The following HHIPL1 variants were observed in gnomAD, a reference collection of about 807,000 sequenced individuals.
HHIPL1 encodes HHIP-like protein 1.
Under a neutral mutation model 61.8 loss-of-function variants are expected in HHIPL1, and 43 were observed. The observed-to-expected ratio is 0.70, with a 90% CI of 0.55 to 0.90. The LOEUF is 0.90. Ranked by LOEUF, HHIPL1 falls within the 40% of genes least tolerant of loss-of-function variation. The probability of loss-of-function intolerance (pLI) is 0.00; values close to 1 mark genes in which losing one functional copy is unlikely to be tolerated. For missense variants in HHIPL1, 1,056 were observed against 1,157.7 expected (o/e 0.91, Z 1.28); for synonymous variants, 482 against 515.8 (o/e 0.93, Z 0.89).
rs1240199018 is a variant in HHIPL1, at chr14:99,668,050, C to T, written c.1649-172C>T. Among the ~76,000 whole-genome samples the T allele has an allele frequency of 6.6e-6, 1 of 152,198 alleles. No homozygotes were observed. Among genetic ancestry groups the T allele is most frequent in the African/African-American group, 2.4e-5 (1 of 41,452 alleles). ...TACAACCCAACTCCTCACCCAGCCT[C>T]ACTTCCTCTTTCTGGGGACTGGACA... On this transcript the variant is annotated intron_variant, in intron 6 of 8. Transcript: ENST00000330710. This position sits in a 1 kb window ranked among gnomAD's most constrained non-coding sequence, Gnocchi z 4.7.
Position 99,678,508 on chromosome 14 carries a change from C to T in HHIPL1, c.*2882C>T, listed in dbSNP as rs1304453012. On this transcript the variant is annotated 3_prime_UTR_variant, in exon 9 of 9. Transcript: ENST00000330710. ...ATTGTTAGCCCTTATGCAGTTTGTC[C>T]CTGCTACTGTGTCCTATGTCCATTG... 1 of 152,218 alleles carries T rather than the reference C, an allele frequency of 6.6e-6. No homozygotes were observed. Among genetic ancestry groups the T allele is most frequent in the East Asian group, 1.9e-4 (1 of 5,202 alleles). 9.4% of individuals were successfully genotyped at this position (152,218 alleles called of 1,614,324 possible).
chr14:99,640,586 G>T (rs1347926498), upstream of HHIPL1, among the ~76,000 whole-genome samples: 1 of 152,070 alleles, frequency 6.6e-6, no homozygotes, highest in Non-Finnish European at 1.5e-5. Flanking sequence ...TGCCCAGCTG[G>T]GTTTTTTTAA....
chr14:99,620,168 C>T, the HHIPL1 span, among the ~76,000 whole-genome samples: 4 of 152,206 alleles, frequency 2.6e-5, no homozygotes, highest in East Asian at 1.9e-4. Context: ...CTCAGCCAGC[C>T]GGTGATGGAT....
chr14:99,609,436 C>T, the HHIPL1 span, among the ~76,000 whole-genome samples: 96,851 of 152,096 alleles, frequency 0.64, 34,299 homozygotes, highest in South Asian at 0.86. Flanking sequence ...TCCAGTGAAA[C>T]AAGGATTGTC....
chr14:99,638,092 A>G, the HHIPL1 span, among the ~76,000 whole-genome samples: 1 of 152,144 alleles, frequency 6.6e-6, no homozygotes, highest in Non-Finnish European at 1.5e-5. Flanking sequence ...TAATTTTTCC[A>G]TAAGGATGTT....
At chr14:99,631,680 C>G in the HHIPL1 span, among the ~76,000 whole-genome samples, 4 of 152,114 alleles carry the variant, frequency 2.6e-5, no homozygotes, top group Admixed American at 6.5e-5. Context: ...TGCAGTGGTG[C>G]AATCTCTGGT....
intron 3 of HHIPL1, among the ~76,000 whole-genome samples, chr14:99,658,254 A>C (rs2056084194): frequency 6.6e-6 from 1 of 152,210 alleles, no homozygotes; most frequent in Non-Finnish European, 1.5e-5. Context: ...AGAACTTAAA[A>C]ACATTATTTT....
Position 99,645,164 on chromosome 14 carries a change from C to G in HHIPL1, c.-44C>G. ...CCGCCGCGAGCGCCCCGGGAGGGGA[C>G]CGGGGCTGCCGTCCCTCCGCCTCTT... On this transcript the variant is annotated 5_prime_UTR_variant, in exon 1 of 9. Transcript: ENST00000330710. The G allele has an allele frequency of 8.0e-7, 1 of 1,253,618 alleles. No individual in the cohort carries two copies. The highest frequency in any genetic ancestry group is 3.2e-5 in the East Asian group (1 of 31,084). The allele number at this position is 1,253,618 out of a possible 1,614,324, so 77.7% of individuals were successfully genotyped here. A position where few individuals can be genotyped will look rare whatever the true frequency, so the allele number is the denominator to read the frequency against.
intron 5 of HHIPL1, among the ~76,000 whole-genome samples, chr14:99,661,618 C>T (rs2056155448): frequency 1.3e-5 from 2 of 152,128 alleles, no homozygotes; most frequent in African/African-American, 4.8e-5. Flanking sequence ...TAGGCATGTG[C>T]CACCACGCTT....
At chr14:99,623,718 T>C in the HHIPL1 span, among the ~76,000 whole-genome samples, 353 of 152,204 alleles carry the variant, frequency 2.3e-3, 1 homozygote, top group Non-Finnish European at 4.2e-3. Context: ...CTGGTCCTGA[T>C]AGACACTCTT....
the HHIPL1 span, among the ~76,000 whole-genome samples, chr14:99,632,979 T>C: frequency 4.5e-4 from 50 of 110,160 alleles, no homozygotes; most frequent in East Asian, 0.014. Context: ...TGAGGCCTCA[T>C]GGAGCTGAGA....
At chr14:99,656,936 C>T in intron 2 of HHIPL1, 64 bp from the exon 3 acceptor site, 1 of 1,421,764 alleles carries the variant, frequency 7.0e-7, no homozygotes, top group Non-Finnish European at 9.4e-7. Context: ...AGACCGTGAT[C>T]TTGTTTTGTG....
intron 7 of HHIPL1, chr14:99,669,063 G>A (rs920679716): frequency 1.1e-5 from 16 of 1,451,052 alleles, no homozygotes; most frequent in African/African-American, 1.4e-5. Context: ...CCCAACCCAC[G>A]TTGCCCTCCA....
the HHIPL1 span, among the ~76,000 whole-genome samples, chr14:99,637,076 G>A: frequency 6.4e-4 from 55 of 85,942 alleles, 1 homozygote; most frequent in African/African-American, 2.3e-3. Context: ...GAAAGAAAGA[G>A]AGAGAAAGAA....
chr14:99,655,578 C>T (rs1239495552), intron 2 of HHIPL1, among the ~76,000 whole-genome samples: 1 of 151,648 alleles, frequency 6.6e-6, no homozygotes. Context: ...GAGCTATGAC[C>T]ACATCACTGC....
At position 99,676,281 on chromosome 14, in the gene HHIPL1, A is replaced by T. The variant is rs1190171983; in HGVS notation, c.*655A>T. 6.6e-6 allele frequency: 1 copy of T among 152,458 alleles called. No homozygotes were observed. 9.4% of individuals were successfully genotyped at this position (152,458 alleles called of 1,614,324 possible). A position where few individuals can be genotyped will look rare whatever the true frequency, so the allele number is the denominator to read the frequency against. On this transcript the variant is annotated 3_prime_UTR_variant, in exon 9 of 9. Transcript: ENST00000330710. ...AGGAGCCAGCACCTGCTCAGGGAGG[A>T]TGGCTGTGAGGACTGGATGACCTCC...
the HHIPL1 span, among the ~76,000 whole-genome samples, chr14:99,610,036 A>G: frequency 6.6e-6 from 1 of 152,170 alleles, no homozygotes; most frequent in African/African-American, 2.4e-5. Context: ...ATGGAAATAA[A>G]GAGATTGATG....
chr14:99,649,519 G>A (rs530476513), intron 1 of HHIPL1, among the ~76,000 whole-genome samples: 24 of 152,328 alleles, frequency 1.6e-4, no homozygotes, highest in African/African-American at 2.4e-5. Context: ...AGCCGTGTAC[G>A]GTGGCTCATG....
At position 99,678,042 on chromosome 14, in the gene HHIPL1, TC is replaced by T. The variant is rs2056407874; in HGVS notation, c.*2419del. On this transcript the variant is annotated 3_prime_UTR_variant, in exon 9 of 9. Transcript: ENST00000330710. ...GGGGGGATGGTTTTGGGATGAAATG[TC>T]CCACCTCAGATCATCAGGCATTAGA... 1 of 152,270 alleles carries T rather than the reference TC, an allele frequency of 6.6e-6. No homozygotes were observed. The highest frequency in any genetic ancestry group is 1.5e-5 in the Non-Finnish European group (1 of 68,086). 9.4% of individuals were successfully genotyped at this position (152,270 alleles called of 1,614,324 possible).
Sources: gnomAD v4.1 joint callset for allele counts (sites outside exome capture counted in the v4.1 genomes callset) on GRCh38, gnomAD v4.1.1 for gene constraint, Gnocchi (gnomAD v3.1) non-coding constraint, MANE v1.5 for transcripts, NCBI Gene and HGNC (gene_info 2026-07-23, HGNC 2026-07-21) for gene names.